Variants in HS6ST2 observed in about 807,000 individuals in gnomAD.
HS6ST2 encodes heparan-sulfate 6-O-sulfotransferase 2.
A neutral mutation model predicts 33.0 loss-of-function variants in HS6ST2; 17 were observed. The observed-to-expected ratio is 0.52, with a 90% CI of 0.35 to 0.77. The LOEUF (loss-of-function observed/expected upper bound fraction) is 0.77. Among genes scored for constraint, HS6ST2 ranks in the 30% least tolerant of loss-of-function variants. The pLI is 0.01. For missense variants in HS6ST2, 519 were observed against 551.7 expected, an observed-to-expected ratio of 0.94 and a Z score of 0.59; for synonymous variants, 248 against 237.1, an observed-to-expected ratio of 1.05 and a Z score of -0.42.
intron 2 of HS6ST2, among the ~76,000 whole-genome samples, chrX:132,734,742 A>G (rs1210210705): frequency 3.5e-5 from 4 of 112,796 alleles, no homozygotes; most frequent in African/African-American, 1.3e-4. Context: ...AGGCTTCCCG[A>G]AAAACAGAAA....
chrX:132,742,910 C>A (rs2064595123), intron 2 of HS6ST2, among the ~76,000 whole-genome samples: 1 of 111,783 alleles, frequency 8.9e-6, no homozygotes, highest in Middle Eastern at 4.6e-3. Context: ...GTAAATGCCT[C>A]CAGATGACCA....
intron 2 of HS6ST2, among the ~76,000 whole-genome samples, chrX:132,805,897 T>G (rs1025074337): frequency 1.8e-5 from 2 of 110,704 alleles, no homozygotes; most frequent in Non-Finnish European, 3.8e-5. Context: ...CACAATGTTT[T>G]GCCTTCAAAC....
At chrX:132,789,878 A>G (rs2065102744) in intron 2 of HS6ST2, among the ~76,000 whole-genome samples, 2 of 112,251 alleles carry the variant, frequency 1.8e-5, no homozygotes, top group African/African-American at 6.5e-5. Flanking sequence ...CTACAATCTC[A>G]TGATCAAACT....
chrX:132,760,972 T>C (rs752487691), intron 2 of HS6ST2, among the ~76,000 whole-genome samples: 9 of 111,709 alleles, frequency 8.1e-5, no homozygotes, highest in Non-Finnish European at 1.7e-4. Context: ...TTTGGGGTGA[T>C]ATGATTTGTA....
chrX:132,660,118 T>C (rs1359641485), intron 4 of HS6ST2, among the ~76,000 whole-genome samples: 3 of 111,675 alleles, frequency 2.7e-5, no homozygotes, highest in Non-Finnish European at 5.6e-5. Context: ...ATACGTCTTT[T>C]ACTTGTTTAA....
At chrX:132,868,011 C>G (rs1361041908) in intron 2 of HS6ST2, among the ~76,000 whole-genome samples, 1 of 111,723 alleles carries the variant, frequency 9.0e-6, no homozygotes, top group Non-Finnish European at 1.9e-5. Flanking sequence ...AGAGTCAAGA[C>G]CCATCAGTGT....
chrX:132,719,380 A>G (rs2064307740), intron 2 of HS6ST2, among the ~76,000 whole-genome samples: 1 of 112,068 alleles, frequency 8.9e-6, no homozygotes, highest in Non-Finnish European at 1.9e-5. Context: ...GAACGCAGCA[A>G]TCTATGCTAG....
chrX:132,827,653 T>C (rs1266685525), intron 2 of HS6ST2, among the ~76,000 whole-genome samples: 5 of 111,469 alleles, frequency 4.5e-5, no homozygotes, highest in African/African-American at 3.3e-5. Context: ...GATTATTACA[T>C]ATGAAAGCCC....
chrX:132,791,140 C>G (rs941686952), intron 2 of HS6ST2, among the ~76,000 whole-genome samples: 3 of 110,848 alleles, frequency 2.7e-5, no homozygotes, highest in African/African-American at 9.9e-5. Context: ...GAGCAAGACT[C>G]TGTCTCAAAA....
intron 2 of HS6ST2, among the ~76,000 whole-genome samples, chrX:132,917,161 T>C (rs1237265159): frequency 1.8e-5 from 2 of 111,652 alleles, no homozygotes; most frequent in East Asian, 2.8e-4. Flanking sequence ...CTCCAAACAG[T>C]TGAGATCTGG....
chrX:132,786,624 C>CTT (rs113772087), intron 2 of HS6ST2, among the ~76,000 whole-genome samples: 13,789 of 101,596 alleles, frequency 0.14, 915 homozygotes, highest in South Asian at 0.32. Flanking sequence ...GTTTCTATTA[C>CTT]TTTTTTTTTT....
At chrX:132,630,073 G>A (rs2063506968) in intron 4 of HS6ST2, among the ~76,000 whole-genome samples, 1 of 111,564 alleles carries the variant, frequency 9.0e-6, no homozygotes, top group Non-Finnish European at 1.9e-5. Context: ...GTAGGCACAC[G>A]CCCCAGAAAC....
intron 3 of HS6ST2, among the ~76,000 whole-genome samples, chrX:132,675,114 T>C (rs1298079582): frequency 1.8e-5 from 2 of 111,307 alleles, no homozygotes; most frequent in Non-Finnish European, 3.8e-5. Flanking sequence ...GAGGGAGATC[T>C]GGACTAGAGG....
chrX:132,639,751 C>CA (rs2063588247), intron 4 of HS6ST2, among the ~76,000 whole-genome samples: 1 of 111,553 alleles, frequency 9.0e-6, no homozygotes, highest in African/African-American at 3.3e-5. Context: ...CAAGAGTGCA[C>CA]AGAGGGGAAG....
At chrX:132,671,066 G>T (rs934041749) in intron 3 of HS6ST2, among the ~76,000 whole-genome samples, 12 of 112,416 alleles carry the variant, frequency 1.1e-4, no homozygotes, top group Middle Eastern at 9.3e-3. Context: ...GGGGACTGAA[G>T]AATTCATTTG....
At chrX:132,836,017 G>A (rs934275885) in intron 2 of HS6ST2, among the ~76,000 whole-genome samples, 1 of 111,514 alleles carries the variant, frequency 9.0e-6, no homozygotes, top group African/African-American at 3.3e-5. Flanking sequence ...GTACCCTTTC[G>A]AATTCTTGAG....
chrX:132,697,938 C>T (rs1351682381), intron 3 of HS6ST2, among the ~76,000 whole-genome samples: 3 of 111,726 alleles, frequency 2.7e-5, no homozygotes, highest in South Asian at 7.5e-4. Context: ...CTATCATTGG[C>T]TTCTTCTCAT....
chrX:132,835,426 A>G (rs936194327), intron 2 of HS6ST2, among the ~76,000 whole-genome samples: 3 of 111,557 alleles, frequency 2.7e-5, no homozygotes, highest in African/African-American at 9.8e-5. Context: ...CTCTGACCCC[A>G]ACCCAGTAAA....
intron 2 of HS6ST2, among the ~76,000 whole-genome samples, chrX:132,898,214 G>A (rs911177434): frequency 2.7e-5 from 3 of 109,436 alleles, no homozygotes; most frequent in South Asian, 4.0e-4. Context: ...TGTCTTCTAC[G>A]AAACTGTTCC....
Sources: allele counts gnomAD v4.1 joint callset (sites outside exome capture counted in the v4.1 genomes callset), GRCh38; gene constraint gnomAD v4.1.1; transcripts MANE v1.5; gene names NCBI Gene and HGNC (gene_info 2026-07-23, HGNC 2026-07-21).